Variants in EEA1 observed in about 807,000 individuals in gnomAD.
The protein encoded by EEA1 is early endosome antigen 1, also known as early endosome antigen 1, 162kD.
A neutral mutation model predicts 209.2 loss-of-function variants in EEA1; 111 were observed. The observed-to-expected ratio is 0.53, with a 90% CI of 0.45 to 0.62. The LOEUF is 0.62. EEA1 is among the 20% of genes least tolerant of loss of function. The pLI is 0.00. For missense variants in EEA1, 1,343 were observed against 1,530.8 expected, an observed-to-expected ratio of 0.88 and a Z score of 2.05; for synonymous variants, 536 against 540.6, an observed-to-expected ratio of 0.99 and a Z score of 0.12.
At chr12:92,876,704 G>A (rs1207378433) in intron 2 of EEA1, among the ~76,000 whole-genome samples, 1 of 151,586 alleles carries the variant, frequency 6.6e-6, no homozygotes, top group Non-Finnish European at 1.5e-5. Context: ...TTAGCTTATG[G>A]AAAAGCCCAA....
Position 92,832,542 on chromosome 12 carries a change from A to C in EEA1, c.1224T>G (p.His408Gln). The change falls in exon 11 of 29, where the codon CAT (histidine) becomes CAG (glutamine). Residue 408 changes from histidine to glutamine, a missense_variant. Physicochemically the swap from His to Gln is conservative, Grantham distance 24. This residue lies in a region of EEA1 where 1,307 missense variants were observed against 1,465.5 expected (regional missense o/e 0.89). Transcript: ENST00000322349. ...TAATTTCACTTTGGAGTTGTAACCC[A>C]TGCTGCTCCTTTTCTTCTCTCTGTT... ...LQQQREEKEQ[H>Q]GLQLQSEINQ... 6.2e-7 allele frequency: 1 copy of C among 1,613,450 alleles called. No homozygotes were observed. Among genetic ancestry groups the C allele is most frequent in the Middle Eastern group, 1.7e-4 (1 of 6,054 alleles).
intron 10 of EEA1, among the ~76,000 whole-genome samples, chr12:92,836,194 T>C (rs1337507091): frequency 6.6e-6 from 1 of 152,238 alleles, no homozygotes; most frequent in Admixed American, 6.5e-5. Context: ...CTAAATCCAA[T>C]AAATTTTTCA....
chr12:92,886,986 G>T (rs112795225), intron 2 of EEA1, among the ~76,000 whole-genome samples: 3 of 118,686 alleles, frequency 2.5e-5, no homozygotes, highest in Non-Finnish European at 5.2e-5. Context: ...GCAACAGAGC[G>T]GGACTCCATC....
intron 9 of EEA1, among the ~76,000 whole-genome samples, chr12:92,846,703 AATGAG>A (rs1259507584): frequency 6.6e-6 from 1 of 152,208 alleles, no homozygotes; most frequent in Non-Finnish European, 1.5e-5. Context: ...AATGCTTTAG[AATGAG>A]ATATTTTCTA....
intron 21 of EEA1, among the ~76,000 whole-genome samples, chr12:92,792,459 C>T: frequency 6.6e-6 from 1 of 152,050 alleles, no homozygotes; most frequent in African/African-American, 2.4e-5. Flanking sequence ...CACCACCGAT[C>T]CCACAGAAAT....
At chr12:92,799,182 G>T in intron 20 of EEA1, 96 bp from the exon 21 acceptor site, 1 of 1,121,896 alleles carries the variant, frequency 8.9e-7, no homozygotes, top group Non-Finnish European at 1.2e-6. Flanking sequence ...GCCTTCATTT[G>T]TTCATTCAAA....
At chr12:92,902,282 G>C (rs1256106112) in intron 1 of EEA1, among the ~76,000 whole-genome samples, 1 of 152,106 alleles carries the variant, frequency 6.6e-6, no homozygotes, top group Non-Finnish European at 1.5e-5. Context: ...TGGAAACATA[G>C]AGTATCCAGG....
intron 15 of EEA1, among the ~76,000 whole-genome samples, chr12:92,814,697 A>G (rs1019022113): frequency 1.3e-5 from 2 of 152,184 alleles, no homozygotes; most frequent in Non-Finnish European, 2.9e-5. Context: ...CAAGGCTACA[A>G]TTGTTGCAAC....
chr12:92,808,250 A>G (rs1875308970), intron 18 of EEA1, among the ~76,000 whole-genome samples: 1 of 152,188 alleles, frequency 6.6e-6, no homozygotes. Context: ...AGGGCAAGTG[A>G]GAAAACTCCT....
intron 3 of EEA1, chr12:92,858,901 C>G: frequency 1.4e-6 from 1 of 712,572 alleles, no homozygotes; most frequent in South Asian, 1.5e-5. Context: ...TGGACACTTA[C>G]AGAGGTTGGG....
intron 10 of EEA1, among the ~76,000 whole-genome samples, chr12:92,841,877 G>A (rs1023784975): frequency 3.3e-5 from 5 of 152,120 alleles, no homozygotes; most frequent in African/African-American, 1.2e-4. Context: ...CCACTTACAG[G>A]TAAAGAATTG....
intron 15 of EEA1, among the ~76,000 whole-genome samples, chr12:92,813,370 T>G (rs1422809413): frequency 6.6e-6 from 1 of 152,144 alleles, no homozygotes; most frequent in African/African-American, 2.4e-5. Context: ...AAAGGTACAC[T>G]TTTTTTCCAA....
At chr12:92,823,727 A>T (rs1313124156) in intron 13 of EEA1, among the ~76,000 whole-genome samples, 2 of 152,190 alleles carry the variant, frequency 1.3e-5, no homozygotes, top group East Asian at 3.8e-4. Context: ...AACTTATTGG[A>T]AAGTGCAGAA....
At chr12:92,925,805 A>G (rs1221449075) in intron 1 of EEA1, among the ~76,000 whole-genome samples, 2 of 152,134 alleles carry the variant, frequency 1.3e-5, no homozygotes, top group African/African-American at 4.8e-5. Context: ...AGAACCAGAA[A>G]CCAAATTTCC....
intron 3 of EEA1, among the ~76,000 whole-genome samples, chr12:92,864,469 A>G (rs1878285738): frequency 6.6e-6 from 1 of 152,164 alleles, no homozygotes; most frequent in Admixed American, 6.5e-5. Context: ...GTGATTATAA[A>G]TGGAAATTTT....
rs1873446853 is a variant in EEA1 at position 92,771,958 on chromosome 12, T to C, written c.*4053A>G. The C allele has an allele frequency of 6.6e-6, 1 of 151,988 alleles. No homozygotes were observed. The highest frequency in any genetic ancestry group is 1.5e-5 in the Non-Finnish European group (1 of 67,896). The allele number at this position is 151,988 out of a possible 1,614,324, so 9.4% of individuals were successfully genotyped here. On this transcript the variant is annotated 3_prime_UTR_variant, in exon 29 of 29. Coordinates refer to ENST00000322349, the MANE Select transcript of EEA1 (RefSeq NM_003566.4). ...TCTATAAAGCTCACAAAGTAACATG[T>C]CTAATATACAATATATTAGATGTTT...
intron 1 of EEA1, among the ~76,000 whole-genome samples, chr12:92,909,735 G>A (rs373238279): frequency 1.3e-5 from 2 of 152,232 alleles, no homozygotes; most frequent in East Asian, 3.8e-4. Flanking sequence ...ACAAGCTTGT[G>A]GCCGAGCATG....
intron 10 of EEA1, among the ~76,000 whole-genome samples, chr12:92,834,774 T>C (rs1565827860): frequency 6.6e-6 from 1 of 152,202 alleles, no homozygotes; most frequent in Non-Finnish European, 1.5e-5. Context: ...AACATTTCTT[T>C]GTAATTCCAA....
intron 18 of EEA1, 48 bp downstream of exon 18, chr12:92,808,969 A>G (rs756733970): frequency 2.0e-6 from 3 of 1,506,474 alleles, no homozygotes; most frequent in South Asian, 1.3e-5. Context: ...TTTAATACTT[A>G]GTTCACAATC....
Sources: gnomAD v4.1 joint callset for allele counts (sites outside exome capture counted in the v4.1 genomes callset) on GRCh38, gnomAD v4.1.1 for gene constraint, gnomAD v4.1.1 regional missense constraint, MANE v1.5 for transcripts, NCBI Gene and HGNC (gene_info 2026-07-23, HGNC 2026-07-21) for gene names.